Variants in CCDC97 observed in about 807,000 individuals in gnomAD.
The protein encoded by CCDC97 is coiled-coil domain containing 97, also known as coiled-coil domain-containing protein 97.
A neutral mutation model predicts 33.9 loss-of-function variants in CCDC97; 27 were observed. That is an observed-to-expected ratio of 0.80 (90% CI 0.59 to 1.10). The LOEUF (loss-of-function observed/expected upper bound fraction) is 1.10, where lower values mean the gene tolerates loss of function less well. Ranked by LOEUF, CCDC97 falls within the 50% of genes least tolerant of loss-of-function variation. CCDC97 has a pLI of 0.00. For synonymous variants in CCDC97, 217 were observed against 194.0 expected (o/e 1.12, Z -0.99); for missense variants, 422 against 476.6 (o/e 0.89, Z 1.07).
At chr19:41,311,481 G>A (rs973299357) in intron 1 of CCDC97, among the ~76,000 whole-genome samples, 3 of 151,886 alleles carry the variant, frequency 2.0e-5, no homozygotes, top group South Asian at 2.1e-4. Flanking sequence ...ACCTGTAATC[G>A]CAGCACTTTG....
intron 1 of CCDC97, among the ~76,000 whole-genome samples, chr19:41,311,461 G>T (rs926549198): frequency 3.9e-5 from 6 of 151,930 alleles, no homozygotes; most frequent in African/African-American, 1.5e-4. Flanking sequence ...GGCCGGGCCC[G>T]GTGGCTTACA....
intron 2 of CCDC97, among the ~76,000 whole-genome samples, chr19:41,317,839 A>G (rs762971932): frequency 3.3e-4 from 50 of 152,072 alleles, no homozygotes; most frequent in Non-Finnish European, 5.6e-4. Context: ...ACCTGAGGTC[A>G]GGAGTTCCAG....
intron 3 of CCDC97, among the ~76,000 whole-genome samples, chr19:41,320,111 C>T (rs2037804471): frequency 6.6e-6 from 1 of 152,214 alleles, no homozygotes; most frequent in Non-Finnish European, 1.5e-5. Flanking sequence ...TCCTCCCACC[C>T]TTCAGGTCTC....
At chr19:41,320,037 G>A (rs947535213) in intron 3 of CCDC97, among the ~76,000 whole-genome samples, 185 bp downstream of exon 3, 2 of 151,960 alleles carry the variant, frequency 1.3e-5, no homozygotes, top group African/African-American at 2.4e-5. Context: ...CCCCCACTCT[G>A]AGGCACCAAA....
chr19:41,310,542 T>C (rs2037670720), intron 1 of CCDC97, 186 bp downstream of exon 1: 1 of 985,140 alleles, frequency 1.0e-6, no homozygotes, highest in Admixed American at 6.2e-5. Context: ...CTTCTTTTCC[T>C]CCATTCCTTC....
intron 4 of CCDC97, 191 bp downstream of exon 4, chr19:41,320,661 G>A: frequency 1.6e-6 from 1 of 619,560 alleles, no homozygotes; most frequent in Non-Finnish European, 2.8e-6. Context: ...GTCCATCTCA[G>A]ACCCTCAGTC....
At chr19:41,310,689 T>C in intron 1 of CCDC97, 2 of 1,221,358 alleles carry the variant, frequency 1.6e-6, no homozygotes, top group East Asian at 7.6e-5. Flanking sequence ...AGACCAGCCC[T>C]TCTCAAATTA....
intron 1 of CCDC97, among the ~76,000 whole-genome samples, chr19:41,312,905 G>C (rs1381804169): frequency 6.6e-6 from 1 of 151,952 alleles, no homozygotes; most frequent in Non-Finnish European, 1.5e-5. Context: ...TCAGCCTCCT[G>C]AGTACCTGGG....
chr19:41,319,864 TAGC>T lies in CCDC97; in HGVS notation c.781+15_781+17del. Reference sequence around the variant, plus strand: ...CAGTGACGAGGAAGGTGAGGGCCAGTAGCAGGAAGACCCCAGATTCCAGACACC... The same window carrying T: ...CAGTGACGAGGAAGGTGAGGGCCAGTAGGAAGACCCCAGATTCCAGACACC... On this transcript the variant is annotated intron_variant, in intron 3 of 4. Transcript: ENST00000269967. The T allele has an allele frequency of 7.7e-7, 1 of 1,295,174 alleles. No homozygotes were observed. The highest frequency in any genetic ancestry group is 1.1e-6 in the Non-Finnish European group (1 of 919,592). The allele number at this position is 1,295,174 out of a possible 1,614,324, so 80.2% of individuals were successfully genotyped here.
intron 1 of CCDC97, among the ~76,000 whole-genome samples, chr19:41,315,013 G>A (rs2037728296): frequency 6.6e-6 from 1 of 150,994 alleles, no homozygotes; most frequent in Admixed American, 6.6e-5. Flanking sequence ...AAGATTGGCA[G>A]GGTGCAGGCC....
chr19:41,310,419 TC>T (rs1568467155), intron 1 of CCDC97, 63 bp downstream of exon 1: 5 of 1,557,050 alleles, frequency 3.2e-6, no homozygotes, highest in Non-Finnish European at 4.3e-6. Flanking sequence ...AGGAAATGAT[TC>T]CCCCAGGAAC....
rs992558122 is a variant in CCDC97, at chr19:41,324,475, C to T, written c.*1760C>T. ...AGGGACAAGTGTGCATGCAGATGTC[C>T]TCAGACGGGAAGGTTTGAGAAGGGT... On this transcript the variant is annotated 3_prime_UTR_variant, in exon 5 of 5. Coordinates refer to ENST00000269967, the MANE Select transcript of CCDC97 (RefSeq NM_052848.3). 1 of 152,236 alleles carries T rather than the reference C, an allele frequency of 6.6e-6. No homozygotes were observed. Among genetic ancestry groups the T allele is most frequent in the Non-Finnish European group, 1.5e-5 (1 of 68,058 alleles). 9.4% of individuals were successfully genotyped at this position (152,236 alleles called of 1,614,324 possible).
Position 41,310,178 on chromosome 19 carries a change from G to A in CCDC97, c.-133G>A. On this transcript the variant is annotated 5_prime_UTR_variant, in exon 1 of 5. Transcript: ENST00000269967. ...GCAATGCAACGTCTGCCTTAGGCCC[G>A]GAACTTCGGTGCCTGGGCGCAGCGG... The A allele has an allele frequency of 7.6e-7, 1 of 1,308,014 alleles. No homozygotes were observed. Among genetic ancestry groups the A allele is most frequent in the East Asian group, 2.5e-5 (1 of 39,552 alleles). 81.0% of individuals were successfully genotyped at this position (1,308,014 alleles called of 1,614,324 possible). A position where few individuals can be genotyped will look rare whatever the true frequency, so the allele number is the denominator to read the frequency against.
At chr19:41,318,577 C>G (rs79366001) in intron 2 of CCDC97, among the ~76,000 whole-genome samples, 9,525 of 152,134 alleles carry the variant, frequency 0.063, 385 homozygotes, top group South Asian at 0.12. Context: ...GGCCAGGAGT[C>G]CGAGCAGTTT....
intron 4 of CCDC97, among the ~76,000 whole-genome samples, chr19:41,321,963 G>T (rs1238499298): frequency 3.3e-5 from 5 of 152,232 alleles, no homozygotes; most frequent in Non-Finnish European, 7.3e-5. Context: ...CAAGCCCCCA[G>T]TGATGACGTC....
intron 4 of CCDC97, among the ~76,000 whole-genome samples, chr19:41,321,186 T>C (rs1307673994): frequency 6.6e-6 from 1 of 152,214 alleles, no homozygotes; most frequent in Non-Finnish European, 1.5e-5. Flanking sequence ...GCCCCTGCCG[T>C]GGGGCCCAGC....
chr19:41,313,183 T>A (rs548638359), intron 1 of CCDC97, among the ~76,000 whole-genome samples: 1 of 152,190 alleles, frequency 6.6e-6, no homozygotes, highest in Admixed American at 6.5e-5. Context: ...GTGCAGTGCT[T>A]TTTCCTGGAC....
rs1347824601 is a variant in CCDC97, at chr19:41,315,559, G to A, written c.47-825G>A. 2.8e-5 allele frequency among the ~76,000 whole-genome samples: 4 copies of A among 145,436 alleles called. No individual in the cohort carries two copies. In the East Asian group the frequency reaches 8.3e-4, roughly 30 times the overall value. On this transcript the variant is annotated intron_variant, in intron 1 of 4. Coordinates refer to ENST00000269967, the MANE Select transcript of CCDC97 (RefSeq NM_052848.3). ...CAGGAGGCGGCAGTTGCAGTGGGCA[G>A]ATCTCACGCCATTGCACTCCAGCCT... is the stretch of plus-strand genomic sequence containing the variant.
chr19:41,313,181 C>G (rs1208890607), intron 1 of CCDC97, among the ~76,000 whole-genome samples: 1 of 152,098 alleles, frequency 6.6e-6, no homozygotes, highest in Non-Finnish European at 1.5e-5. Context: ...CTGTGCAGTG[C>G]TTTTTCCTGG....
Sources: allele counts gnomAD v4.1 joint callset (sites outside exome capture counted in the v4.1 genomes callset), GRCh38; gene constraint gnomAD v4.1.1; transcripts MANE v1.5; gene names NCBI Gene and HGNC (gene_info 2026-07-23, HGNC 2026-07-21).